MTMR7: variants seen among roughly 807,000 people sequenced by gnomAD.
MTMR7 encodes myotubularin related protein 7.
Under a neutral mutation model 81.2 loss-of-function variants are expected in MTMR7, and 76 were observed. The observed-to-expected ratio is 0.94, with a 90% CI of 0.78 to 1.13. The LOEUF (loss-of-function observed/expected upper bound fraction) is 1.13. MTMR7 is among the 50% of genes most tolerant of loss of function. The pLI, the probability that MTMR7 is intolerant of heterozygous loss-of-function variation, is 0.00. For synonymous variants in MTMR7, 372 were observed against 289.8 expected (o/e 1.28, Z -2.88); for missense variants, 1,044 against 820.0 (o/e 1.27, Z -3.34).
chr8:17,320,314 G>A (rs1210036401), intron 7 of MTMR7, among the ~76,000 whole-genome samples: 3 of 152,074 alleles, frequency 2.0e-5, no homozygotes, highest in Non-Finnish European at 4.4e-5. Flanking sequence ...TTTTGCACAT[G>A]TACCTCTAAA....
intron 7 of MTMR7, among the ~76,000 whole-genome samples, chr8:17,317,564 T>A (rs1238599845): frequency 2.6e-5 from 4 of 152,172 alleles, no homozygotes; most frequent in Non-Finnish European, 5.9e-5. Context: ...TCCAGAAAGG[T>A]TGACTTTCCA....
At chr8:17,306,351 C>T (rs1047117006) in intron 10 of MTMR7, among the ~76,000 whole-genome samples, 22 of 151,442 alleles carry the variant, frequency 1.5e-4, no homozygotes, top group East Asian at 5.8e-4. Flanking sequence ...TCATTTTTTG[C>T]GCTGTTTTGT....
At chr8:17,318,680 C>T (rs1488170144) in intron 7 of MTMR7, among the ~76,000 whole-genome samples, 2 of 152,176 alleles carry the variant, frequency 1.3e-5, no homozygotes, top group African/African-American at 4.8e-5. Flanking sequence ...TTAGGGTCTG[C>T]TACAGGTATT....
chr8:17,317,404 G>A (rs555355825), intron 7 of MTMR7, among the ~76,000 whole-genome samples: 14 of 152,294 alleles, frequency 9.2e-5, no homozygotes, highest in African/African-American at 3.1e-4. Context: ...GGATGCCAGT[G>A]TCCTAAGAGG....
chr8:17,355,537 G>A (rs1819864859), intron 4 of MTMR7, among the ~76,000 whole-genome samples: 1 of 151,192 alleles, frequency 6.6e-6, no homozygotes, highest in Non-Finnish European at 1.5e-5. Flanking sequence ...CGTCAAATTG[G>A]GACAAAGTTT....
At chr8:17,332,041 G>C (rs1352049482) in intron 6 of MTMR7, among the ~76,000 whole-genome samples, 1 of 147,336 alleles carries the variant, frequency 6.8e-6, no homozygotes, top group Non-Finnish European at 1.5e-5. Context: ...TCAAGAAGGG[G>C]ACAAGTCCTA....
chr8:17,354,357 T>C (rs774524658), intron 4 of MTMR7, among the ~76,000 whole-genome samples: 16 of 152,220 alleles, frequency 1.1e-4, no homozygotes, highest in South Asian at 2.1e-4. Flanking sequence ...GTATTTTATA[T>C]TTTATTCCAA....
intron 13 of MTMR7, 54 bp from the exon 14 acceptor site, chr8:17,300,278 C>G (rs1471999367): frequency 6.6e-7 from 1 of 1,526,584 alleles, no homozygotes; most frequent in African/African-American, 1.4e-5. Context: ...TTATCTTTTT[C>G]TATATATGCA....
chr8:17,351,859 G>C (rs1270471167), intron 4 of MTMR7, among the ~76,000 whole-genome samples: 1 of 152,208 alleles, frequency 6.6e-6, no homozygotes, highest in Non-Finnish European at 1.5e-5. Flanking sequence ...ATGGATATTT[G>C]TCCTGCTTTC....
At chr8:17,329,513 C>T (rs914067783) in intron 7 of MTMR7, among the ~76,000 whole-genome samples, 7 of 152,078 alleles carry the variant, frequency 4.6e-5, no homozygotes, top group South Asian at 2.1e-4. Context: ...TGGTTCCTGA[C>T]GAGAAACCAA....
chr8:17,318,187 G>A (rs1178406087), intron 7 of MTMR7, among the ~76,000 whole-genome samples: 1 of 152,084 alleles, frequency 6.6e-6, no homozygotes, highest in Non-Finnish European at 1.5e-5. Context: ...TCTCACACAT[G>A]TTTGGGATCC....
intron 1 of MTMR7, among the ~76,000 whole-genome samples, chr8:17,378,783 T>C (rs995369435): frequency 2.0e-5 from 3 of 152,254 alleles, no homozygotes; most frequent in Non-Finnish European, 2.9e-5. Flanking sequence ...AAAGCTATTG[T>C]GTCATTTCAT....
chr8:17,318,219 G>A (rs963085609), intron 7 of MTMR7, among the ~76,000 whole-genome samples: 2 of 152,102 alleles, frequency 1.3e-5, no homozygotes, highest in African/African-American at 4.8e-5. Context: ...CCTTATGCAC[G>A]GAAGCCCCCA....
chr8:17,368,210 C>T (rs1820294512), intron 3 of MTMR7, among the ~76,000 whole-genome samples: 1 of 152,140 alleles, frequency 6.6e-6, no homozygotes. Flanking sequence ...ATTAATGCCA[C>T]GAGTGATCTC....
chr8:17,347,822 G>C (rs1231601376), intron 5 of MTMR7, among the ~76,000 whole-genome samples: 1 of 146,646 alleles, frequency 6.8e-6, no homozygotes, highest in African/African-American at 2.7e-5. Context: ...GTGCAATTCT[G>C]ATGAAAGGGA....
intron 4 of MTMR7, among the ~76,000 whole-genome samples, chr8:17,350,932 A>G (rs1819711393): frequency 6.6e-6 from 1 of 152,222 alleles, no homozygotes; most frequent in Non-Finnish European, 1.5e-5. Flanking sequence ...AAAATCTGCC[A>G]AGAACAGAAG....
At chr8:17,343,514 A>G (rs1323423445) in intron 5 of MTMR7, among the ~76,000 whole-genome samples, 1 of 152,200 alleles carries the variant, frequency 6.6e-6, no homozygotes, top group Non-Finnish European at 1.5e-5. Flanking sequence ...ATGGTAACAC[A>G]TTTAAATGAC....
intron 7 of MTMR7, among the ~76,000 whole-genome samples, chr8:17,329,964 A>G (rs183723260): frequency 1.4e-3 from 215 of 152,310 alleles, no homozygotes; most frequent in Middle Eastern, 0.014. Context: ...GATTTCTGCT[A>G]CAGAGGGGCA....
chr8:17,376,918 T>G (rs1820607139), intron 1 of MTMR7, among the ~76,000 whole-genome samples: 1 of 152,134 alleles, frequency 6.6e-6, no homozygotes. Flanking sequence ...ATAGATTTCC[T>G]AATCTTTAAA....
Sources: allele counts gnomAD v4.1 joint callset (sites outside exome capture counted in the v4.1 genomes callset), GRCh38; gene constraint gnomAD v4.1.1; transcripts MANE v1.5; gene names NCBI Gene and HGNC (gene_info 2026-07-23, HGNC 2026-07-21).